VANGL1: variants seen among roughly 807,000 people sequenced by gnomAD.
VANGL1 encodes VANGL planar cell polarity protein 1, also known as vang-like protein 1.
A neutral mutation model predicts 48.4 loss-of-function variants in VANGL1; 18 were observed. The observed-to-expected ratio is 0.37, with a 90% CI of 0.26 to 0.55. The LOEUF (loss-of-function observed/expected upper bound fraction) is 0.55. VANGL1 is among the 20% of genes least tolerant of loss of function. The pLI is 0.81. For synonymous variants in VANGL1, 257 were observed against 261.8 expected (o/e 0.98, Z 0.18); for missense variants, 667 against 675.8 (o/e 0.99, Z 0.14).
chr1:115,687,923 T>C (rs2101034906), intron 7 of VANGL1, among the ~76,000 whole-genome samples: 1 of 132,074 alleles, frequency 7.6e-6, no homozygotes, highest in East Asian at 2.1e-4. Flanking sequence ...CCGGCCTATA[T>C]ATATCATTCA....
At chr1:115,651,845 C>T (rs1361328367) in intron 2 of VANGL1, among the ~76,000 whole-genome samples, 3 of 152,052 alleles carry the variant, frequency 2.0e-5, no homozygotes, top group Admixed American at 6.5e-5. Context: ...CAAGCTCCGC[C>T]TTGTGGGTTC....
At chr1:115,662,879 C>T (rs912438810) in intron 3 of VANGL1, among the ~76,000 whole-genome samples, 2 of 151,900 alleles carry the variant, frequency 1.3e-5, no homozygotes, top group Admixed American at 6.6e-5. Flanking sequence ...CTCCGACTCC[C>T]GGGTTCAAGC....
At chr1:115,679,674 A>G (rs976181951) in intron 4 of VANGL1, among the ~76,000 whole-genome samples, 1 of 152,242 alleles carries the variant, frequency 6.6e-6, no homozygotes, top group Non-Finnish European at 1.5e-5. Flanking sequence ...CCCTCCTTGC[A>G]GCCTCGCTGA....
intron 4 of VANGL1, among the ~76,000 whole-genome samples, chr1:115,666,239 G>A (rs1293050495): frequency 1.3e-5 from 2 of 152,132 alleles, no homozygotes; most frequent in African/African-American, 2.4e-5. Context: ...TGTGTAGGTG[G>A]GAAAGGGCAG....
chr1:115,682,812 G>A (rs961075330), intron 5 of VANGL1, among the ~76,000 whole-genome samples: 1 of 152,148 alleles, frequency 6.6e-6, no homozygotes, highest in Non-Finnish European at 1.5e-5. Flanking sequence ...CAAAATTGGT[G>A]CACATTACCC....
chr1:115,679,582 G>A (rs1198028888), intron 4 of VANGL1, among the ~76,000 whole-genome samples: 1 of 152,234 alleles, frequency 6.6e-6, no homozygotes, highest in Non-Finnish European at 1.5e-5. Context: ...CTCACAGGGT[G>A]GAGGGTGAGA....
chr1:115,672,245 T>TA (rs1653002213), intron 4 of VANGL1, among the ~76,000 whole-genome samples: 1 of 152,188 alleles, frequency 6.6e-6, no homozygotes, highest in Non-Finnish European at 1.5e-5. Context: ...TGGGATTAGA[T>TA]ATCCTAGGCT....
In VANGL1 at chr1:115,692,964, T is replaced by C. The variant is rs1653900016; in HGVS notation, c.*1585T>C. On this transcript the variant is annotated 3_prime_UTR_variant, in exon 8 of 8. Coordinates refer to ENST00000355485, the MANE Select transcript of VANGL1 (RefSeq NM_138959.3). ...CTTACTCCCTTACTGCTTCATACAC[T>C]CCACAAGTGGTACAGTATTTTGTGT... is the stretch of plus-strand genomic sequence containing the variant. 1 of 152,236 alleles carries C rather than the reference T, an allele frequency of 6.6e-6. No individual in the cohort carries two copies. Among genetic ancestry groups the C allele is most frequent in the Non-Finnish European group, 1.5e-5 (1 of 68,052 alleles). The allele number at this position is 152,236 out of a possible 1,614,324, so 9.4% of individuals were successfully genotyped here.
At chr1:115,648,290 A>C (rs1570734885) in intron 1 of VANGL1, among the ~76,000 whole-genome samples, 2 of 152,208 alleles carry the variant, frequency 1.3e-5, no homozygotes, top group East Asian at 1.9e-4. Flanking sequence ...GGCTCATAGC[A>C]ATCCTTGGCC....
chr1:115,657,381 G>T (rs912270674), intron 2 of VANGL1, among the ~76,000 whole-genome samples: 7 of 152,148 alleles, frequency 4.6e-5, no homozygotes, highest in Non-Finnish European at 1.0e-4. Flanking sequence ...CTGAATTCAG[G>T]TCTGCCACTG....
Position 115,664,056 on chromosome 1 carries a change from T to C in VANGL1, c.600T>C (p.Tyr200=). Residue 200 remains tyrosine (Y), a synonymous_variant, in exon 4 of 8, where the codon TAT becomes TAC. Coordinates refer to ENST00000355485, the MANE Select transcript of VANGL1 (RefSeq NM_138959.3). ...LVLIFLFVVS[Y]WLFYGVRILD... is the part of the protein sequence containing the mutation. ...TCATCTTTCTCTTTGTGGTTTCCTA[T>C]TGGCTTTTTTACGGGGTCCGCATTT... 1.2e-6 allele frequency: 2 copies of C among 1,614,214 alleles called. No individual in the cohort carries two copies. Among genetic ancestry groups the C allele is most frequent in the South Asian group, 1.1e-5 (1 of 91,084 alleles).
At chr1:115,657,191 A>G (rs536010195) in intron 2 of VANGL1, among the ~76,000 whole-genome samples, 78 of 152,360 alleles carry the variant, frequency 5.1e-4, no homozygotes, top group Middle Eastern at 6.8e-3. Context: ...TGTGCTATCT[A>G]AGGTCACGGT....
chr1:115,660,934 T>C (rs1010311160), intron 3 of VANGL1, among the ~76,000 whole-genome samples: 1 of 152,132 alleles, frequency 6.6e-6, no homozygotes, highest in Admixed American at 6.5e-5. Flanking sequence ...AGTCTTAGGA[T>C]TGGATCACCC....
intron 2 of VANGL1, among the ~76,000 whole-genome samples, chr1:115,655,966 A>G (rs1306762434): frequency 6.6e-6 from 1 of 152,240 alleles, no homozygotes; most frequent in African/African-American, 2.4e-5. Flanking sequence ...TTCTTAGAGC[A>G]GTAATTCGGG....
intron 2 of VANGL1, among the ~76,000 whole-genome samples, chr1:115,652,708 C>T (rs567313308): frequency 2.0e-5 from 3 of 152,172 alleles, no homozygotes; most frequent in East Asian, 1.9e-4. Flanking sequence ...TACAAGCAGC[C>T]GAATGCAGAG....
At chr1:115,646,072 T>A (rs545202593) in intron 1 of VANGL1, among the ~76,000 whole-genome samples, 1 of 152,328 alleles carries the variant, frequency 6.6e-6, no homozygotes, top group Admixed American at 6.5e-5. Context: ...ACACTGTGTT[T>A]TCATATTAAG....
chr1:115,690,378 A>T (rs1213297416), intron 7 of VANGL1, among the ~76,000 whole-genome samples: 2 of 152,244 alleles, frequency 1.3e-5, no homozygotes, highest in African/African-American at 4.8e-5. Context: ...CAGCACATGT[A>T]TCAGAACTCC....
At chr1:115,665,900 C>G (rs1411086363) in intron 4 of VANGL1, among the ~76,000 whole-genome samples, 1 of 152,154 alleles carries the variant, frequency 6.6e-6, no homozygotes, top group East Asian at 1.9e-4. Flanking sequence ...TATCTCAGCA[C>G]CTGTGGCACT....
At chr1:115,651,858 G>A (rs1427124134) in intron 2 of VANGL1, among the ~76,000 whole-genome samples, 1 of 151,898 alleles carries the variant, frequency 6.6e-6, no homozygotes, top group Non-Finnish European at 1.5e-5. Flanking sequence ...GTGGGTTCAC[G>A]CCACTCTCCT....
Sources: gnomAD v4.1 joint callset for allele counts (sites outside exome capture counted in the v4.1 genomes callset) on GRCh38, gnomAD v4.1.1 for gene constraint, MANE v1.5 for transcripts, NCBI Gene and HGNC (gene_info 2026-07-23, HGNC 2026-07-21) for gene names.